Variants in SUV39H2 observed in about 807,000 individuals in gnomAD.
SUV39H2 encodes the protein SUV39H2 histone lysine methyltransferase.
A neutral mutation model predicts 47.5 loss-of-function variants in SUV39H2; 10 were observed. The observed-to-expected ratio is 0.21, with a 90% CI of 0.13 to 0.36. SUV39H2 has a LOEUF of 0.36. SUV39H2 is among the 10% of genes least tolerant of loss of function. The pLI, the probability that SUV39H2 is intolerant of heterozygous loss-of-function variation, is 1.00. For missense variants in SUV39H2, 266 were observed against 487.4 expected (o/e 0.55, Z 4.28); for synonymous variants, 159 against 166.8 (o/e 0.95, Z 0.36).
At chr10:14,885,711 A>C (rs1177500575) in intron 2 of SUV39H2, among the ~76,000 whole-genome samples, 2 of 152,126 alleles carry the variant, frequency 1.3e-5, no homozygotes, top group Non-Finnish European at 2.9e-5. Context: ...CAGATATTGA[A>C]TCTCTAAGCC....
intron 5 of SUV39H2, among the ~76,000 whole-genome samples, chr10:14,901,692 G>T (rs950156847): frequency 6.6e-6 from 1 of 151,956 alleles, no homozygotes; most frequent in Non-Finnish European, 1.5e-5. Context: ...CTAGCCGGGC[G>T]TGGTGGCGTG....
intron 2 of SUV39H2, among the ~76,000 whole-genome samples, chr10:14,893,942 C>T (rs1008274429): frequency 6.6e-6 from 1 of 151,802 alleles, no homozygotes; most frequent in African/African-American, 2.4e-5. Context: ...TTTGCTGGAA[C>T]ACTTGGCATA....
At chr10:14,881,190 C>G (rs1015216096) in intron 1 of SUV39H2, among the ~76,000 whole-genome samples, 1 of 152,036 alleles carries the variant, frequency 6.6e-6, no homozygotes, top group African/African-American at 2.4e-5. Context: ...CTCTGTTGAC[C>G]TGCATCTGTA....
intron 5 of SUV39H2, among the ~76,000 whole-genome samples, chr10:14,902,040 C>T (rs908593733): frequency 6.6e-6 from 1 of 152,080 alleles, no homozygotes; most frequent in African/African-American, 2.4e-5. Flanking sequence ...CATTGCTTAA[C>T]CTCTTACATA....
At chr10:14,879,101 C>T (rs944825543) in intron 1 of SUV39H2, 182 bp downstream of exon 1, 1 of 1,270,374 alleles carries the variant, frequency 7.9e-7, no homozygotes, top group Non-Finnish European at 9.9e-7. Flanking sequence ...GACCCGCCTC[C>T]CTGCCCGGCC....
rs1833636752 is a variant in SUV39H2, at chr10:14,896,765, C to T, written c.178-81C>T. The T allele has an allele frequency of 2.4e-6, 3 of 1,246,376 alleles. No homozygotes were observed. In the South Asian group the frequency reaches 4.6e-5, roughly 19 times the overall value. 77.2% of individuals were successfully genotyped at this position (1,246,376 alleles called of 1,614,324 possible). On this transcript the variant is annotated intron_variant, in intron 2 of 5. Coordinates refer to ENST00000354919, the MANE Select transcript of SUV39H2 (RefSeq NM_001193424.2). ...AAGAAAAATGGTATTGGATACCTTACTCTTTAAGATTTTTAATTATTTTTG... is the reference window on the plus strand; with the variant it reads ...AAGAAAAATGGTATTGGATACCTTATTCTTTAAGATTTTTAATTATTTTTG...
chr10:14,879,268 G>A, intron 1 of SUV39H2: 1 of 429,594 alleles, frequency 2.3e-6, no homozygotes. Context: ...AGGTCCGGGG[G>A]GCACGGCTGC....
At chr10:14,901,590 C>T (rs1215330089) in intron 5 of SUV39H2, among the ~76,000 whole-genome samples, 1 of 150,912 alleles carries the variant, frequency 6.6e-6, no homozygotes, top group African/African-American at 2.4e-5. Flanking sequence ...CTGGCTCCTG[C>T]CTGTAATCCC....
rs1490674678 is a variant in SUV39H2, at chr10:14,894,662, C to T, written c.178-2184C>T. 2.1e-4 allele frequency among the ~76,000 whole-genome samples: 12 copies of T among 57,464 alleles called. 4 individuals carry two copies. Among genetic ancestry groups the T allele is most frequent in the Non-Finnish European group, 3.2e-4 (11 of 34,750 alleles). The allele number at this position is 57,464 out of a possible 152,430, so 37.7% of individuals were successfully genotyped here. ...GATTACAGGCGTGAGCCACCGCGCCCGGCCGCAAAGTTTTTAATTCACAAA... is the reference window on the plus strand; with the variant it reads ...GATTACAGGCGTGAGCCACCGCGCCTGGCCGCAAAGTTTTTAATTCACAAA... On this transcript the variant is annotated intron_variant, in intron 2 of 5. Transcript: ENST00000354919.
chr10:14,885,243 A>C (rs995183942), intron 2 of SUV39H2, among the ~76,000 whole-genome samples: 2 of 152,176 alleles, frequency 1.3e-5, no homozygotes, highest in African/African-American at 2.4e-5. Flanking sequence ...CAGGTATCCA[A>C]GTTCACATTC....
At chr10:14,888,717 AG>A (rs1221037376) in intron 2 of SUV39H2, among the ~76,000 whole-genome samples, 2 of 152,134 alleles carry the variant, frequency 1.3e-5, no homozygotes, top group Non-Finnish European at 2.9e-5. Flanking sequence ...ATTAAACAGT[AG>A]GTCAGAGAAC....
chr10:14,900,025 C>T (rs1175872131), intron 4 of SUV39H2, among the ~76,000 whole-genome samples: 1 of 152,106 alleles, frequency 6.6e-6, no homozygotes, highest in Non-Finnish European at 1.5e-5. Context: ...TTACACAGAA[C>T]TGTATCTTAA....
intron 2 of SUV39H2, among the ~76,000 whole-genome samples, chr10:14,893,663 C>G (rs1050650127): frequency 6.6e-6 from 1 of 152,124 alleles, no homozygotes; most frequent in Admixed American, 6.6e-5. Context: ...AAATAAAAGT[C>G]AAGTCTACCA....
intron 2 of SUV39H2, among the ~76,000 whole-genome samples, chr10:14,889,898 C>T (rs1040946290): frequency 2.0e-5 from 3 of 152,136 alleles, no homozygotes; most frequent in Admixed American, 2.0e-4. Flanking sequence ...CCCCTTCATA[C>T]AGAATAATTT....
At chr10:14,891,910 T>G (rs1833401632) in intron 2 of SUV39H2, among the ~76,000 whole-genome samples, 1 of 152,224 alleles carries the variant, frequency 6.6e-6, no homozygotes, top group Non-Finnish European at 1.5e-5. Context: ...AGAGATCGTT[T>G]GTAGTAGGAA....
At chr10:14,886,749 A>G (rs755597486) in intron 2 of SUV39H2, among the ~76,000 whole-genome samples, 1 of 152,232 alleles carries the variant, frequency 6.6e-6, no homozygotes, top group Non-Finnish European at 1.5e-5. Flanking sequence ...CCCTCACTAT[A>G]AAGAACTCAC....
chr10:14,891,046 G>T (rs572382793), intron 2 of SUV39H2, among the ~76,000 whole-genome samples: 2 of 152,120 alleles, frequency 1.3e-5, no homozygotes, highest in African/African-American at 4.8e-5. Flanking sequence ...ATCCCTTCCC[G>T]CAAATAACTT....
chr10:14,883,731 A>T (rs901062819), intron 2 of SUV39H2, among the ~76,000 whole-genome samples: 3 of 148,618 alleles, frequency 2.0e-5, no homozygotes, highest in African/African-American at 7.6e-5. Context: ...AAAAAAAAAA[A>T]ATCCCACAGA....
intron 5 of SUV39H2, among the ~76,000 whole-genome samples, 181 bp downstream of exon 5, chr10:14,901,443 C>T (rs1588864256): frequency 6.6e-6 from 1 of 152,186 alleles, no homozygotes; most frequent in South Asian, 2.1e-4. Flanking sequence ...CCCAGGTCTG[C>T]CTGAGCTTCA....
Sources: gnomAD v4.1 joint callset for allele counts (sites outside exome capture counted in the v4.1 genomes callset) on GRCh38, gnomAD v4.1.1 for gene constraint, MANE v1.5 for transcripts, NCBI Gene and HGNC (gene_info 2026-07-23, HGNC 2026-07-21) for gene names.